The following OPCML variants were observed in gnomAD, a reference collection of about 807,000 sequenced individuals.
OPCML encodes the protein opioid binding protein/cell adhesion molecule like.
In OPCML, 13 loss-of-function variants were observed where a neutral mutation model predicts 37.8. The ratio of observed to expected loss-of-function variants is 0.34; its 90% confidence interval spans 0.22 to 0.55. OPCML has a LOEUF of 0.55. Among genes scored for constraint, OPCML ranks in the 20% least tolerant of loss-of-function variants. The pLI is 0.91. For missense variants in OPCML, 341 were observed against 435.6 expected, an observed-to-expected ratio of 0.78 and a Z score of 1.93; for synonymous variants, 176 against 168.8, an observed-to-expected ratio of 1.04 and a Z score of -0.33.
At chr11:132,825,866 C>T (rs769545895) in intron 2 of OPCML, among the ~76,000 whole-genome samples, 7 of 152,112 alleles carry the variant, frequency 4.6e-5, no homozygotes, top group Admixed American at 2.0e-4. Context: ...GCCCCTGGGC[C>T]GATGGGGTCA....
intron 4 of OPCML, among the ~76,000 whole-genome samples, chr11:132,497,235 T>C (rs2096234146): frequency 6.6e-6 from 1 of 151,898 alleles, no homozygotes; most frequent in Non-Finnish European, 1.5e-5. Flanking sequence ...CACTGGGGCC[T>C]GTCGGAGTGG....
chr11:133,521,837 C>T (rs149017964), intron 1 of OPCML, among the ~76,000 whole-genome samples: 2 of 152,338 alleles, frequency 1.3e-5, no homozygotes, highest in Non-Finnish European at 2.9e-5. Context: ...TTAGCTTATT[C>T]GGAGAAGCCA....
rs1591801959 is a variant in OPCML, at chr11:132,919,397, C to T, written c.146+23529G>A. On this transcript the variant is annotated intron_variant, in intron 2 of 7. Transcript: ENST00000524381. ...GCTCTGGGTTGAGGCCCGGCAGGGT[C>T]CAGATGACCCTGACCCAGGCTGAAG... Among the ~76,000 whole-genome samples, 4 of 152,226 alleles carry T rather than the reference C, an allele frequency of 2.6e-5. No individual in the cohort carries two copies. The South Asian group carries it at 8.3e-4, about 32-fold the overall frequency.
intron 4 of OPCML, among the ~76,000 whole-genome samples, chr11:132,517,330 T>C (rs2096282233): frequency 6.6e-6 from 1 of 152,124 alleles, no homozygotes; most frequent in Admixed American, 6.5e-5. Flanking sequence ...GGGTGGTAGG[T>C]GCACAGAGCT....
At chr11:132,905,886 A>G (rs1944223805) in intron 2 of OPCML, among the ~76,000 whole-genome samples, 1 of 152,204 alleles carries the variant, frequency 6.6e-6, no homozygotes, top group South Asian at 2.1e-4. Flanking sequence ...ATTGCCTGGT[A>G]TATAGCCAAT....
At chr11:132,548,564 A>T (rs1219253228) in intron 3 of OPCML, among the ~76,000 whole-genome samples, 7 of 152,200 alleles carry the variant, frequency 4.6e-5, no homozygotes, top group African/African-American at 1.7e-4. Context: ...GTATAAAATA[A>T]CAATATTAGC....
chr11:133,077,952 G>T (rs143100317), intron 1 of OPCML, among the ~76,000 whole-genome samples: 1 of 152,268 alleles, frequency 6.6e-6, no homozygotes, highest in African/African-American at 2.4e-5. Context: ...AGTTGGAGGG[G>T]ATACAGAAAA....
chr11:133,367,271 C>A (rs1944564014), intron 1 of OPCML, among the ~76,000 whole-genome samples: 1 of 152,194 alleles, frequency 6.6e-6, no homozygotes, highest in South Asian at 2.1e-4. Context: ...GCCACCACAC[C>A]CAGCCGGAAT....
At chr11:133,077,427 C>T (rs534309074) in intron 1 of OPCML, among the ~76,000 whole-genome samples, 1 of 152,186 alleles carries the variant, frequency 6.6e-6, no homozygotes, top group African/African-American at 2.4e-5. Context: ...CCTAATGACG[C>T]TTGTAAAACT....
At chr11:133,150,682 G>C (rs1325404969) in intron 1 of OPCML, among the ~76,000 whole-genome samples, 1 of 152,082 alleles carries the variant, frequency 6.6e-6, no homozygotes, top group Admixed American at 6.5e-5. Context: ...GTCGGCAAAG[G>C]TGCCCTGGCA....
chr11:133,033,380 G>C (rs950022520), intron 1 of OPCML, among the ~76,000 whole-genome samples: 1 of 152,154 alleles, frequency 6.6e-6, no homozygotes, highest in East Asian at 1.9e-4. Context: ...GAAAAAGTAG[G>C]CTCATTTAGG....
chr11:133,293,238 C>T (rs1942531111), intron 1 of OPCML, among the ~76,000 whole-genome samples: 1 of 152,182 alleles, frequency 6.6e-6, no homozygotes, highest in African/African-American at 2.4e-5. Flanking sequence ...CGCTCTTTCC[C>T]TATCCCCCAT....
At chr11:132,451,860 C>G (rs2096069117) in intron 4 of OPCML, among the ~76,000 whole-genome samples, 1 of 152,160 alleles carries the variant, frequency 6.6e-6, no homozygotes, top group Non-Finnish European at 1.5e-5. Flanking sequence ...AAACTGTTAT[C>G]AACGCAGTAA....
chr11:133,200,286 T>C (rs146867036), intron 1 of OPCML, among the ~76,000 whole-genome samples: 127 of 152,316 alleles, frequency 8.3e-4, no homozygotes, highest in African/African-American at 2.9e-3. Context: ...TCTACATTTA[T>C]ATGCACCTGT....
intron 1 of OPCML, among the ~76,000 whole-genome samples, chr11:133,287,698 G>A (rs1942342669): frequency 1.3e-5 from 2 of 152,220 alleles, no homozygotes; most frequent in South Asian, 4.1e-4. Context: ...AGACCCCTGA[G>A]GCAGGCAGGA....
chr11:133,048,193 C>T (rs538576194), intron 1 of OPCML, among the ~76,000 whole-genome samples: 1 of 152,164 alleles, frequency 6.6e-6, no homozygotes, highest in African/African-American at 2.4e-5. Context: ...TTCATAGGAG[C>T]TTTGCATAAT....
intron 1 of OPCML, among the ~76,000 whole-genome samples, chr11:133,161,108 G>C (rs1289422500): frequency 6.6e-6 from 1 of 152,206 alleles, no homozygotes; most frequent in Non-Finnish European, 1.5e-5. Context: ...GAATCCACAG[G>C]AGGATGTTCA....
chr11:133,151,759 T>C lies in OPCML; in HGVS notation c.62-208749A>G, dbSNP rs1253118973. 2.0e-5 allele frequency among the ~76,000 whole-genome samples: 3 copies of C among 152,244 alleles called. No homozygotes were observed. The East Asian group carries it at 5.8e-4, about 29-fold the overall frequency. Reference sequence around the variant, plus strand: ...CTATCACGGGATCAGTTAGGGCTTCTCGAGAGAAGAGCAGGAGATGGAGGT... The same window carrying C: ...CTATCACGGGATCAGTTAGGGCTTCCCGAGAGAAGAGCAGGAGATGGAGGT... On this transcript the variant is annotated intron_variant, in intron 1 of 7. Transcript: ENST00000524381.
At position 132,934,694 on chromosome 11, in the gene OPCML, T is replaced by C. The variant is rs114249566; in HGVS notation, c.146+8232A>G. 7.4e-3 allele frequency among the ~76,000 whole-genome samples: 1,134 copies of C among 152,300 alleles called. 13 individuals are homozygous for C. Among genetic ancestry groups the C allele is most frequent in the African/African-American group, 0.026 (1,077 of 41,560 alleles). ...CTCCTTTCTTTCCTTCCTTTCAACTTCTACTTCTGGAATATCTCTCTGCTA... is the reference window on the plus strand; with the variant it reads ...CTCCTTTCTTTCCTTCCTTTCAACTCCTACTTCTGGAATATCTCTCTGCTA... On this transcript the variant is annotated intron_variant, in intron 2 of 7. Transcript: ENST00000524381.
Sources: allele counts gnomAD v4.1 joint callset (sites outside exome capture counted in the v4.1 genomes callset), GRCh38; gene constraint gnomAD v4.1.1; transcripts MANE v1.5; gene names NCBI Gene and HGNC (gene_info 2026-07-23, HGNC 2026-07-21).